Variants in CAAP1 observed in about 807,000 individuals in gnomAD.
CAAP1 encodes caspase activity and apoptosis inhibitor 1.
Under a neutral mutation model 34.0 loss-of-function variants are expected in CAAP1, and 20 were observed. The observed-to-expected ratio is 0.59, with a 90% CI of 0.41 to 0.86. The LOEUF (loss-of-function observed/expected upper bound fraction) is 0.86, where lower values mean the gene tolerates loss of function less well. Ranked by LOEUF, CAAP1 falls within the 40% of genes least tolerant of loss-of-function variation. CAAP1 has a pLI of 0.00. For synonymous variants in CAAP1, 213 were observed against 166.7 expected, an observed-to-expected ratio of 1.28 and a Z score of -2.14; for missense variants, 538 against 450.5, an observed-to-expected ratio of 1.19 and a Z score of -1.76.
chr9:26,842,119 TTATAA>T lies in CAAP1; in HGVS notation c.*177_*181del. 1 of 532,724 alleles carries T rather than the reference TTATAA, an allele frequency of 1.9e-6. No homozygotes were observed. The highest frequency in any genetic ancestry group is 3.3e-6 in the Non-Finnish European group (1 of 306,428). 33.0% of individuals were successfully genotyped at this position (532,724 alleles called of 1,614,324 possible). A position where few individuals can be genotyped will look rare whatever the true frequency, so the allele number is the denominator to read the frequency against. On this transcript the variant is annotated 3_prime_UTR_variant, in exon 6 of 6. Coordinates refer to ENST00000333916, the MANE Select transcript of CAAP1 (RefSeq NM_024828.4). ...GAATTCATAAGACAGTAACACACAT[TTATAA>T]TATAAAAGTAGTCAAAAAAATAAAA...
intron 5 of CAAP1, among the ~76,000 whole-genome samples, chr9:26,849,021 T>G (rs902949566): frequency 6.6e-6 from 1 of 152,220 alleles, no homozygotes; most frequent in African/African-American, 2.4e-5. Flanking sequence ...ATTCGTTTAT[T>G]TAAAAAATCT....
intron 4 of CAAP1, among the ~76,000 whole-genome samples, chr9:26,878,526 A>G (rs2131332191): frequency 6.6e-6 from 1 of 152,306 alleles, no homozygotes; most frequent in African/African-American, 2.4e-5. Context: ...CAGCTGGCCC[A>G]TTCAATTCTA....
At chr9:26,861,332 C>G (rs1822999220) in intron 4 of CAAP1, among the ~76,000 whole-genome samples, 193 bp from the exon 5 acceptor site, 1 of 152,158 alleles carries the variant, frequency 6.6e-6, no homozygotes, top group Admixed American at 6.5e-5. Context: ...CTACAAACTA[C>G]TAGCAATTTA....
chr9:26,883,820 G>T (rs1213885101), intron 4 of CAAP1, among the ~76,000 whole-genome samples: 1 of 152,022 alleles, frequency 6.6e-6, no homozygotes, highest in African/African-American at 2.4e-5. Context: ...TTAAACTAGT[G>T]GAACTAAATT....
At chr9:26,855,369 T>C (rs557741356) in intron 5 of CAAP1, among the ~76,000 whole-genome samples, 18 of 152,098 alleles carry the variant, frequency 1.2e-4, no homozygotes, top group Non-Finnish European at 5.9e-5. Flanking sequence ...AGAAGACTTT[T>C]AAGGCAGTGA....
chr9:26,891,162 C>T (rs1426750779), intron 1 of CAAP1, among the ~76,000 whole-genome samples: 1 of 152,176 alleles, frequency 6.6e-6, no homozygotes, highest in Non-Finnish European at 1.5e-5. Flanking sequence ...AAAATCTCTA[C>T]ATAAACTGTT....
intron 4 of CAAP1, chr9:26,869,943 C>G (rs1335924728): frequency 1.0e-6 from 1 of 984,436 alleles, no homozygotes; most frequent in African/African-American, 1.8e-5. Flanking sequence ...TCATCTAACC[C>G]AGTGCTTGAG....
intron 5 of CAAP1, among the ~76,000 whole-genome samples, chr9:26,853,434 G>C (rs1473569397): frequency 6.6e-6 from 1 of 152,188 alleles, no homozygotes; most frequent in Admixed American, 6.5e-5. Flanking sequence ...ATACACAAGT[G>C]TTAGAAGTCT....
intron 5 of CAAP1, among the ~76,000 whole-genome samples, chr9:26,859,732 G>A (rs977889267): frequency 6.6e-6 from 1 of 152,214 alleles, no homozygotes; most frequent in East Asian, 1.9e-4. Context: ...AGTTTATGGC[G>A]GTGCTCAGAA....
At chr9:26,853,113 A>G (rs940697916) in intron 5 of CAAP1, among the ~76,000 whole-genome samples, 3 of 152,174 alleles carry the variant, frequency 2.0e-5, no homozygotes, top group African/African-American at 7.2e-5. Flanking sequence ...GAACAGTGAC[A>G]TGACCATTCA....
intron 5 of CAAP1, among the ~76,000 whole-genome samples, chr9:26,846,415 C>CAAAAAAAA (rs761402354): frequency 2.6e-4 from 16 of 61,728 alleles, no homozygotes; most frequent in East Asian, 6.1e-4. Context: ...GACTCTGTCT[C>CAAAAAAAA]AAAAAAAAAA....
At chr9:26,883,739 A>C (rs1823659325) in intron 4 of CAAP1, among the ~76,000 whole-genome samples, 2 of 152,242 alleles carry the variant, frequency 1.3e-5, no homozygotes, top group South Asian at 4.1e-4. Context: ...TTTAAAAAAG[A>C]AACAAAGTGA....
At chr9:26,892,029 A>C (rs1823915336) in intron 1 of CAAP1, among the ~76,000 whole-genome samples, 1 of 152,146 alleles carries the variant, frequency 6.6e-6, no homozygotes, top group Non-Finnish European at 1.5e-5. Flanking sequence ...CAATTTTCTT[A>C]TCTCTAATGC....
intron 4 of CAAP1, among the ~76,000 whole-genome samples, chr9:26,862,182 A>C: frequency 6.6e-6 from 1 of 152,174 alleles, no homozygotes. Flanking sequence ...GGTCCCAAGG[A>C]GGATATCAAC....
chr9:26,867,003 G>A (rs933819755), intron 4 of CAAP1, among the ~76,000 whole-genome samples: 18 of 152,000 alleles, frequency 1.2e-4, no homozygotes, highest in Admixed American at 4.6e-4. Context: ...CAAGCATTAC[G>A]GCCTGAGCTC....
intron 4 of CAAP1, among the ~76,000 whole-genome samples, chr9:26,872,217 T>C (rs1823294738): frequency 6.6e-6 from 1 of 152,162 alleles, no homozygotes; most frequent in Admixed American, 6.5e-5. Flanking sequence ...TTAAACCTCC[T>C]ACATTTATGC....
chr9:26,884,944 C>A, intron 3 of CAAP1, 59 bp from the exon 4 acceptor site: 1 of 1,225,030 alleles, frequency 8.2e-7, no homozygotes, highest in South Asian at 1.3e-5. Flanking sequence ...ATGATGCAAT[C>A]ATGACATTAA....
chr9:26,890,303 G>A (rs183479207), intron 1 of CAAP1, among the ~76,000 whole-genome samples: 49 of 151,864 alleles, frequency 3.2e-4, no homozygotes, highest in African/African-American at 7.7e-4. Context: ...CCTGGCAGGC[G>A]GAGGTTGCAG....
At chr9:26,886,446 C>G (rs1049421529) in intron 2 of CAAP1, among the ~76,000 whole-genome samples, 1 of 152,106 alleles carries the variant, frequency 6.6e-6, no homozygotes, top group African/African-American at 2.4e-5. Flanking sequence ...GAGTCAGTTT[C>G]CCAGCTATTC....
Sources: allele counts gnomAD v4.1 joint callset (sites outside exome capture counted in the v4.1 genomes callset), GRCh38; gene constraint gnomAD v4.1.1; transcripts MANE v1.5; gene names NCBI Gene and HGNC (gene_info 2026-07-23, HGNC 2026-07-21).